Variants in INO80 observed in about 807,000 individuals in gnomAD.
INO80 encodes the protein chromatin-remodeling ATPase INO80.
INO80 carries 20 observed loss-of-function variants against 203.4 expected under a neutral mutation model. The ratio of observed to expected loss-of-function variants is 0.10; its 90% CI spans 0.07 to 0.14. The LOEUF is 0.14. Among genes scored for constraint, INO80 ranks in the 10% least tolerant of loss-of-function variants. INO80 has a pLI of 1.00. For synonymous variants in INO80, 726 were observed against 685.2 expected (o/e 1.06, Z -0.93); for missense variants, 1,419 against 1,914.4 (o/e 0.74, Z 4.83).
At chr15:41,036,883 T>C (rs1179078873) in intron 24 of INO80, among the ~76,000 whole-genome samples, 1 of 152,140 alleles carries the variant, frequency 6.6e-6, no homozygotes. Flanking sequence ...GGCCGGTTAC[T>C]TGAGATCAGG....
At chr15:41,037,774 C>A (rs958156223) in intron 24 of INO80, among the ~76,000 whole-genome samples, 1 of 151,830 alleles carries the variant, frequency 6.6e-6, no homozygotes, top group Admixed American at 6.6e-5. Flanking sequence ...GAAACCCCAC[C>A]TCTACTAAAA....
chr15:41,085,751 AGAG>A (rs1201282810), intron 6 of INO80, among the ~76,000 whole-genome samples, 168 bp from the exon 7 acceptor site: 3 of 152,230 alleles, frequency 2.0e-5, no homozygotes, highest in Non-Finnish European at 4.4e-5. Context: ...GAAAAGTAAC[AGAG>A]AAGAAGAAAC....
intron 27 of INO80, among the ~76,000 whole-genome samples, chr15:41,013,521 C>T (rs183596182): frequency 8.5e-5 from 13 of 152,226 alleles, no homozygotes; most frequent in Admixed American, 2.0e-4. Context: ...CATCTCAAGT[C>T]GTACAATATG....
chr15:41,042,257 G>T (rs1014759767), intron 24 of INO80, among the ~76,000 whole-genome samples: 1 of 151,772 alleles, frequency 6.6e-6, no homozygotes, highest in African/African-American at 2.4e-5. Context: ...CAAGGGATCC[G>T]CCCACCTCAT....
chr15:41,096,420 G>T, intron 1 of INO80, 67 bp from the exon 2 acceptor site: 1 of 1,152,858 alleles, frequency 8.7e-7, no homozygotes, highest in South Asian at 2.0e-5. Context: ...TTGCCTGCTT[G>T]TTCCCAATGT....
chr15:40,991,374 T>G (rs977512237), intron 29 of INO80, among the ~76,000 whole-genome samples: 1 of 152,038 alleles, frequency 6.6e-6, no homozygotes, highest in Non-Finnish European at 1.5e-5. Flanking sequence ...CCAAGGCAGA[T>G]GTATGGTTAC....
intron 29 of INO80, among the ~76,000 whole-genome samples, chr15:40,989,436 A>G (rs2043787946): frequency 6.6e-6 from 1 of 152,204 alleles, no homozygotes; most frequent in Non-Finnish European, 1.5e-5. Flanking sequence ...CCAGTTCAAA[A>G]TGGCCCTCAT....
chr15:41,033,032 T>TCAA (rs1005336874), intron 24 of INO80, among the ~76,000 whole-genome samples: 3 of 152,092 alleles, frequency 2.0e-5, no homozygotes, highest in African/African-American at 4.8e-5. Flanking sequence ...AGACTCCGTC[T>TCAA]CAACAACAAC....
At chr15:41,016,914 T>TGAACTCCTGGGCTC (rs2044218454) in intron 26 of INO80, 2 of 151,994 alleles carry the variant, frequency 1.3e-5, no homozygotes, top group Non-Finnish European at 2.9e-5. Context: ...AGGCTGGTCT[T>TGAACTCCTGGGCTC]GAACTCCTGG....
Position 40,982,846 on chromosome 15 carries a change from C to A in INO80, c.4453+16G>T, listed in dbSNP as rs1241557521. 6.2e-7 allele frequency: 1 copy of A among 1,600,334 alleles called. No homozygotes were observed. The highest frequency in any genetic ancestry group is 1.3e-5 in the African/African-American group (1 of 74,768). Reference sequence around the variant, plus strand: ...CTGACCAGAACAAAGTCTGCAGCCACCCTGGGCTTCTGTACCTTTAGACAC... The same window carrying A: ...CTGACCAGAACAAAGTCTGCAGCCAACCTGGGCTTCTGTACCTTTAGACAC... On this transcript the variant is annotated intron_variant, in intron 35 of 35. Coordinates refer to ENST00000648947, the MANE Select transcript of INO80 (RefSeq NM_017553.3).
At position 41,022,288 on chromosome 15, in the gene INO80, G is replaced by A. The variant is rs559983611; in HGVS notation, c.3049-1163C>T. On this transcript the variant is annotated intron_variant, in intron 25 of 35. Transcript: ENST00000648947. The stretch of plus-strand genomic sequence containing the variant: ...GAACATAAAACACCGGCTGTATCTA[G>A]TTAGGTAGTTCTATCATTTCGTGGA... Among the ~76,000 whole-genome samples, 66 of 152,352 alleles carry A rather than the reference G, an allele frequency of 4.3e-4. 1 individual carries two copies. The South Asian group carries it at 0.011, about 26-fold the overall frequency.
rs1446561740 is a variant in INO80 at position 41,055,316 on chromosome 15, C to T, written c.2119G>A (p.Glu707Lys). The change falls in exon 18 of 36, where the codon GAG becomes AAG. Residue 707 changes from glutamate (E) to lysine (K), a missense_variant. Transcript: ENST00000648947. ...TTGGAAAACCATTCATTAAATTCCT[C>T]ATGTGAATCAAATAATGTTGGCATA... Reference protein sequence around the residue: ...FIMPTLFDSHEEFNEWFSKDI... With the variant: ...FIMPTLFDSHKEFNEWFSKDI... The T allele has an allele frequency of 6.2e-7, 1 of 1,613,048 alleles. No individual in the cohort carries two copies. Among genetic ancestry groups the T allele is most frequent in the Non-Finnish European group, 8.5e-7 (1 of 1,179,672 alleles).
chr15:41,084,913 T>C (rs2045537729), intron 7 of INO80, among the ~76,000 whole-genome samples: 1 of 152,110 alleles, frequency 6.6e-6, no homozygotes, highest in African/African-American at 2.4e-5. Flanking sequence ...ATTTTTGTAG[T>C]TTTTGGAGAG....
At chr15:40,991,574 G>A (rs1055284092) in intron 29 of INO80, among the ~76,000 whole-genome samples, 12 of 152,038 alleles carry the variant, frequency 7.9e-5, no homozygotes, top group African/African-American at 2.7e-4. Flanking sequence ...GAAAGATTAA[G>A]GCAAGTCAAT....
chr15:41,023,814 AAAC>A (rs1246889122), intron 25 of INO80, among the ~76,000 whole-genome samples: 1 of 150,704 alleles, frequency 6.6e-6, no homozygotes, highest in Non-Finnish European at 1.5e-5. Flanking sequence ...AAACAAAAAA[AAAC>A]AACAAAAAAA....
At chr15:41,096,620 C>CTTTTCAAAAA (rs1373391602) in intron 1 of INO80, among the ~76,000 whole-genome samples, 1 of 152,146 alleles carries the variant, frequency 6.6e-6, no homozygotes, top group Non-Finnish European at 1.5e-5. Context: ...TTTTTCAAAA[C>CTTTTCAAAAA]AGTATCTTAA....
intron 14 of INO80, among the ~76,000 whole-genome samples, chr15:41,067,313 G>C (rs965241281): frequency 6.6e-6 from 1 of 151,866 alleles, no homozygotes; most frequent in African/African-American, 2.4e-5. Context: ...CTGACCTTGT[G>C]ATCCACCCGC....
intron 18 of INO80, among the ~76,000 whole-genome samples, chr15:41,054,794 A>G (rs760769268): frequency 1.3e-5 from 2 of 152,108 alleles, no homozygotes; most frequent in African/African-American, 2.4e-5. Context: ...ACCCGCCATC[A>G]TGCCCGGCTA....
At position 40,978,943 on chromosome 15, in the gene INO80, ATG is replaced by A. The variant is rs1319006243; in HGVS notation, c.*1278_*1279del. The A allele has an allele frequency of 2.0e-5, 3 of 152,632 alleles. No individual in the cohort carries two copies. The highest frequency in any genetic ancestry group is 6.5e-5 in the Admixed American group (1 of 15,290). The allele number at this position is 152,632 out of a possible 1,614,324, so 9.5% of individuals were successfully genotyped here. On this transcript the variant is annotated 3_prime_UTR_variant, in exon 36 of 36. Coordinates refer to ENST00000648947, the MANE Select transcript of INO80 (RefSeq NM_017553.3). ...TTTTTATCCAGTTAGTAAAAGGAAGATGTGTCTCTCTTTATACATATGTACAA... is the reference window on the plus strand; with the variant it reads ...TTTTTATCCAGTTAGTAAAAGGAAGATGTCTCTCTTTATACATATGTACAA...
Sources: gnomAD v4.1 joint callset for allele counts (sites outside exome capture counted in the v4.1 genomes callset) on GRCh38, gnomAD v4.1.1 for gene constraint, MANE v1.5 for transcripts, NCBI Gene and HGNC (gene_info 2026-07-23, HGNC 2026-07-21) for gene names.